CSTPP1: variants seen among roughly 807,000 people sequenced by gnomAD.
The protein encoded by CSTPP1 is UPF0705 protein C11orf49.
the CSTPP1 span, among the ~76,000 whole-genome samples, chr11:46,948,767 G>C: frequency 6.6e-6 from 1 of 152,152 alleles, no homozygotes; most frequent in Non-Finnish European, 1.5e-5. Context: ...GTCCAATTTA[G>C]AGAAATGATA....
chr11:47,076,711 G>A, the CSTPP1 span, among the ~76,000 whole-genome samples: 1 of 151,974 alleles, frequency 6.6e-6, no homozygotes, highest in African/African-American at 2.4e-5. Context: ...CATGGTGCCT[G>A]TAATCCCAGC....
At chr11:47,128,869 T>C in the CSTPP1 span, among the ~76,000 whole-genome samples, 3 of 152,178 alleles carry the variant, frequency 2.0e-5, no homozygotes, top group Non-Finnish European at 2.9e-5. Context: ...TGTGTCTCTG[T>C]AGTAAACTTT....
chr11:47,086,234 C>CAAA, the CSTPP1 span, among the ~76,000 whole-genome samples: 11,302 of 89,234 alleles, frequency 0.13, 3,313 homozygotes, highest in African/African-American at 0.44. Context: ...ACTAAAAATC[C>CAAA]AAAAAAAAAA....
the CSTPP1 span, among the ~76,000 whole-genome samples, chr11:47,043,520 A>G: frequency 6.6e-6 from 1 of 152,180 alleles, no homozygotes; most frequent in South Asian, 2.1e-4. Context: ...ATCCAATACA[A>G]GACCTGGTTC....
At chr11:47,155,399 G>A in the CSTPP1 span, 17 of 795,376 alleles carry the variant, frequency 2.1e-5, no homozygotes, top group East Asian at 4.9e-5. Context: ...ACTGCGGGTC[G>A]CTAACAGGAT....
At chr11:46,950,768 C>G in the CSTPP1 span, among the ~76,000 whole-genome samples, 2 of 151,918 alleles carry the variant, frequency 1.3e-5, no homozygotes, top group African/African-American at 4.8e-5. Flanking sequence ...CCTGCTATCA[C>G]GCCTGGCTAA....
chr11:47,046,720 G>A, the CSTPP1 span, among the ~76,000 whole-genome samples: 1 of 118,792 alleles, frequency 8.4e-6, no homozygotes. Flanking sequence ...AGGCTGGAGT[G>A]CAGTGGCGTG....
chr11:47,157,886 G>A, the CSTPP1 span: 1 of 1,614,012 alleles, frequency 6.2e-7, no homozygotes, highest in South Asian at 1.1e-5. Context: ...ATTCCTCATG[G>A]CTCTCTCAAA....
chr11:47,000,781 A>G, the CSTPP1 span, among the ~76,000 whole-genome samples: 1 of 152,230 alleles, frequency 6.6e-6, no homozygotes, highest in Non-Finnish European at 1.5e-5. Flanking sequence ...TCAATAAACA[A>G]GCAAACTGAT....
chr11:47,033,992 C>T, the CSTPP1 span, among the ~76,000 whole-genome samples: 29 of 151,922 alleles, frequency 1.9e-4, no homozygotes, highest in Non-Finnish European at 4.0e-4. Flanking sequence ...GTGTGCTGCA[C>T]CCATTAATTC....
chr11:47,116,686 T>G, the CSTPP1 span, among the ~76,000 whole-genome samples: 1 of 141,038 alleles, frequency 7.1e-6, no homozygotes. Flanking sequence ...TTTTTTTTTT[T>G]TTTTTTTTTT....
chr11:47,138,632 C>T, the CSTPP1 span, among the ~76,000 whole-genome samples: 1 of 152,208 alleles, frequency 6.6e-6, no homozygotes, highest in Non-Finnish European at 1.5e-5. Context: ...CAATTTTTAA[C>T]CACATGAGGT....
chr11:46,954,720 A>G, the CSTPP1 span, among the ~76,000 whole-genome samples: 5 of 151,902 alleles, frequency 3.3e-5, no homozygotes, highest in African/African-American at 4.8e-5. Flanking sequence ...GGTCTATAAG[A>G]GTTATAACAA....
the CSTPP1 span, chr11:46,936,797 G>A: frequency 1.2e-6 from 2 of 1,610,432 alleles, no homozygotes; most frequent in Non-Finnish European, 1.7e-6. Flanking sequence ...AAGCCACCCC[G>A]GTCAAAGGAT....
the CSTPP1 span, among the ~76,000 whole-genome samples, chr11:46,951,295 C>CTTTT: frequency 7.8e-6 from 1 of 127,680 alleles, no homozygotes; most frequent in Non-Finnish European, 1.6e-5. Context: ...TCCTTAGACT[C>CTTTT]TTTTTTTTTT....
the CSTPP1 span, among the ~76,000 whole-genome samples, chr11:47,100,473 C>T: frequency 1.3e-5 from 2 of 152,160 alleles, no homozygotes; most frequent in Non-Finnish European, 2.9e-5. Flanking sequence ...ATTTATGTCA[C>T]ACATAAGGGC....
the CSTPP1 span, among the ~76,000 whole-genome samples, chr11:47,015,200 G>A: frequency 6.6e-6 from 1 of 152,086 alleles, no homozygotes; most frequent in African/African-American, 2.4e-5. Context: ...TCACAGGCTG[G>A]GCACGGTGGC....
chr11:47,117,200 C>T, the CSTPP1 span, among the ~76,000 whole-genome samples: 1 of 152,064 alleles, frequency 6.6e-6, no homozygotes, highest in African/African-American at 2.4e-5. Context: ...GTTATTTTGC[C>T]TGTTAATTGA....
the CSTPP1 span, among the ~76,000 whole-genome samples, chr11:46,950,027 T>C: frequency 6.6e-6 from 1 of 152,038 alleles, no homozygotes; most frequent in African/African-American, 2.4e-5. Context: ...TGGAAAGTTC[T>C]CAAACTTAGC....
Sources: gnomAD v4.1 joint callset for allele counts (sites outside exome capture counted in the v4.1 genomes callset) on GRCh38, gnomAD v4.1.1 for gene constraint, MANE v1.5 for transcripts, NCBI Gene and HGNC (gene_info 2026-07-23, HGNC 2026-07-21) for gene names.